Variants in DPH6 observed in about 807,000 individuals in gnomAD.
DPH6 encodes diphthine--ammonia ligase.
A neutral mutation model predicts 38.2 loss-of-function variants in DPH6; 33 were observed. The ratio of observed to expected loss-of-function variants is 0.86; its 90% confidence interval spans 0.65 to 1.15. The LOEUF (loss-of-function observed/expected upper bound fraction) is 1.15. Ranked by LOEUF, DPH6 falls within the 50% of genes most tolerant of loss-of-function variation. The pLI, the probability that DPH6 is intolerant of heterozygous loss-of-function variation, is 0.00. For synonymous variants in DPH6, 108 were observed against 103.0 expected (o/e 1.05, Z -0.30); for missense variants, 325 against 320.0 (o/e 1.02, Z -0.12).
At chr15:35,319,196 T>C (rs559715021) in intron 3 of DPH6, among the ~76,000 whole-genome samples, 1 of 152,316 alleles carries the variant, frequency 6.6e-6, no homozygotes, top group Admixed American at 6.5e-5. Flanking sequence ...CAACATGGTT[T>C]CTATGCACAT....
intron 3 of DPH6, among the ~76,000 whole-genome samples, chr15:35,360,851 C>T (rs1188630745): frequency 6.6e-6 from 1 of 152,216 alleles, no homozygotes; most frequent in East Asian, 1.9e-4. Flanking sequence ...TTAAGGGCCA[C>T]TTTAGTGTAC....
intron 3 of DPH6, among the ~76,000 whole-genome samples, chr15:35,501,980 C>T (rs2054633597): frequency 6.6e-6 from 1 of 152,090 alleles, no homozygotes; most frequent in Admixed American, 6.6e-5. Flanking sequence ...ACTTAAATCT[C>T]TGTGATAAAT....
chr15:35,447,430 T>C (rs1426890733), intron 5 of DPH6, among the ~76,000 whole-genome samples: 1 of 151,622 alleles, frequency 6.6e-6, no homozygotes, highest in Non-Finnish European at 1.5e-5. Flanking sequence ...TTCTATCTCT[T>C]ATACGTCCCC....
At chr15:35,524,848 G>A (rs942021402) in intron 3 of DPH6, among the ~76,000 whole-genome samples, 5 of 151,980 alleles carry the variant, frequency 3.3e-5, no homozygotes, top group African/African-American at 1.2e-4. Flanking sequence ...GATTTACAGC[G>A]TTCATGCAAT....
At chr15:35,491,548 T>TACACACACAC (rs71309445) in intron 3 of DPH6, among the ~76,000 whole-genome samples, 1,454 of 137,704 alleles carry the variant, frequency 0.011, 13 homozygotes, top group African/African-American at 0.028. Flanking sequence ...CCAATAGGTG[T>TACACACACAC]ACACACACAC....
At chr15:35,365,734 C>T in intron 3 of DPH6, 1 of 966,842 alleles carries the variant, frequency 1.0e-6, no homozygotes, top group Non-Finnish European at 1.2e-6. Flanking sequence ...GGCGTTGCTA[C>T]TACCAAAGTC....
chr15:35,422,907 T>C (rs1028324123), intron 5 of DPH6, among the ~76,000 whole-genome samples: 3 of 151,856 alleles, frequency 2.0e-5, no homozygotes, highest in African/African-American at 7.2e-5. Context: ...TTTTTAAAGG[T>C]TGAATAATAC....
intron 3 of DPH6, among the ~76,000 whole-genome samples, chr15:35,284,801 ATTTTTT>A (rs71123127): frequency 1.8e-3 from 146 of 79,250 alleles, no homozygotes; most frequent in Non-Finnish European, 2.3e-3. Flanking sequence ...AAGTCTCCAA[ATTTTTT>A]TTTTTTTTTT....
At chr15:35,162,105 C>A in the DPH6 span, among the ~76,000 whole-genome samples, 8 of 151,950 alleles carry the variant, frequency 5.3e-5, no homozygotes, top group East Asian at 1.5e-3. Context: ...GCCACCTCAA[C>A]TGCTACTAAT....
intron 3 of DPH6, among the ~76,000 whole-genome samples, chr15:35,279,518 T>C (rs1027098908): frequency 6.6e-6 from 1 of 152,184 alleles, no homozygotes; most frequent in Non-Finnish European, 1.5e-5. Flanking sequence ...ACCTCATTAA[T>C]AGCTTGGTGC....
the DPH6 span, among the ~76,000 whole-genome samples, chr15:35,178,901 AGT>A: frequency 6.6e-6 from 1 of 152,110 alleles, no homozygotes; most frequent in Non-Finnish European, 1.5e-5. Flanking sequence ...GTACCCAATA[AGT>A]GCTCAATAAA....
chr15:35,331,439 G>A (rs1326059225), intron 3 of DPH6, among the ~76,000 whole-genome samples: 1 of 152,068 alleles, frequency 6.6e-6, no homozygotes, highest in Non-Finnish European at 1.5e-5. Flanking sequence ...CATGTACATA[G>A]GGCTAAAAAG....
chr15:35,250,643 T>G (rs2051667765), intron 3 of DPH6, among the ~76,000 whole-genome samples: 1 of 152,178 alleles, frequency 6.6e-6, no homozygotes, highest in African/African-American at 2.4e-5. Context: ...CCCAAACCAT[T>G]AATTAAGTAC....
Position 35,341,870 on chromosome 15 carries a change from C to T in DPH6, n.208-10793G>A, listed in dbSNP as rs550817909. On this transcript the variant is annotated intron_variant and non_coding_transcript_variant, in intron 3 of 3. Transcript: ENST00000558973. Reference sequence around the variant, plus strand: ...AGGATCAGGGACCTGCTTAAAGAAGCAGCCTGGCTGCTTTTTGGCAGAGCA... The same window carrying T: ...AGGATCAGGGACCTGCTTAAAGAAGTAGCCTGGCTGCTTTTTGGCAGAGCA... Among the ~76,000 whole-genome samples, 4 of 152,332 alleles carry T rather than the reference C, an allele frequency of 2.6e-5. No homozygotes were observed. The South Asian group carries it at 8.3e-4, about 32-fold the overall frequency.
In DPH6 at chr15:35,538,283, T is replaced by C. The variant is rs776692188; in HGVS notation, c.303A>G (p.Lys101=). 1 of 1,549,002 alleles carries C rather than the reference T, an allele frequency of 6.5e-7. No individual in the cohort carries two copies. Among genetic ancestry groups the C allele is most frequent in the Non-Finnish European group, 8.8e-7 (1 of 1,133,140 alleles). Residue 101 remains lysine (K), a synonymous_variant, in exon 3 of 9, where the codon AAA becomes AAG. Transcript: ENST00000256538. The stretch of plus-strand genomic sequence containing the variant: ...TGGTTACTCTGCATACCTTAACAAG[T>C]TTCAAAAGCTCATAGAGATCTTCAA... The part of the protein sequence containing the change: ...DEVEDLYELL[K]LVKEKEEVEG...
rs535534010 is a variant in DPH6, at chr15:35,415,951, T to C, written c.506-5055A>G. ...CTCAGAGTTAATAATAAAATAAACTTCATGTGTACCTATAGGTTTGGTAAT... is the reference window on the plus strand; with the variant it reads ...CTCAGAGTTAATAATAAAATAAACTCCATGTGTACCTATAGGTTTGGTAAT... On this transcript the variant is annotated intron_variant, in intron 5 of 8. Coordinates refer to ENST00000256538, the MANE Select transcript of DPH6 (RefSeq NM_080650.4). Among the ~76,000 whole-genome samples, 7 of 152,088 alleles carry C rather than the reference T, an allele frequency of 4.6e-5. No individual in the cohort carries two copies. In the South Asian group the frequency reaches 1.5e-3, roughly 32 times the overall value.
intron 3 of DPH6, among the ~76,000 whole-genome samples, chr15:35,262,705 C>CAAAA (rs58580024): frequency 3.9e-4 from 32 of 82,628 alleles, no homozygotes; most frequent in African/African-American, 2.0e-3. Context: ...GACTCCGTCT[C>CAAAA]AAAAAAAAAA....
At chr15:35,490,300 G>C (rs573369374) in intron 3 of DPH6, 1 of 459,568 alleles carries the variant, frequency 2.2e-6, no homozygotes, top group African/African-American at 2.1e-5. Flanking sequence ...CCAAATGAAT[G>C]TGAGTAACTA....
chr15:35,408,317 G>A (rs1375866211), intron 6 of DPH6, among the ~76,000 whole-genome samples: 3 of 151,946 alleles, frequency 2.0e-5, no homozygotes, highest in Non-Finnish European at 2.9e-5. Flanking sequence ...GAATTCTTTG[G>A]GAAATAAAAT....
Sources: allele counts gnomAD v4.1 joint callset (sites outside exome capture counted in the v4.1 genomes callset), GRCh38; gene constraint gnomAD v4.1.1; transcripts MANE v1.5; gene names NCBI Gene and HGNC (gene_info 2026-07-23, HGNC 2026-07-21).